Variants in MYH4 observed in about 807,000 individuals in gnomAD.
MYH4 encodes the protein myosin heavy chain 4.
In MYH4, 200 loss-of-function variants were observed where a neutral mutation model predicts 229.9. The ratio of observed to expected loss-of-function variants is 0.87; its 90% CI spans 0.78 to 0.98. The LOEUF (loss-of-function observed/expected upper bound fraction) is 0.98. Among genes scored for constraint, MYH4 ranks in the 50% least tolerant of loss-of-function variants. The pLI is 0.00. For missense variants in MYH4, 2,148 were observed against 2,332.6 expected (o/e 0.92, Z 1.63); for synonymous variants, 761 against 834.6 (o/e 0.91, Z 1.52).
rs190608365 is a variant in MYH4 at position 10,452,742 on chromosome 17, T to C, written c.3257+45A>G. ...CTTTTTAGCGTATGTTTCATTTGCATTGACATACAACAAGCAGGTTATAGC... is the reference window on the plus strand; with the variant it reads ...CTTTTTAGCGTATGTTTCATTTGCACTGACATACAACAAGCAGGTTATAGC... On this transcript the variant is annotated intron_variant, in intron 25 of 39. Transcript: ENST00000255381. 128 of 1,544,934 alleles carry C rather than the reference T, an allele frequency of 8.3e-5. No individual in the cohort carries two copies. The African/African-American group carries it at 1.6e-3, about 19-fold the overall frequency.
At chr17:10,465,723 T>A (rs2072756749) in intron 4 of MYH4, 125 bp from the exon 5 acceptor site, 4 of 1,256,222 alleles carry the variant, frequency 3.2e-6, no homozygotes, top group Non-Finnish European at 4.4e-6. Flanking sequence ...TTCATTCATT[T>A]GTTGCCTCCT....
At position 10,463,982 on chromosome 17, in the gene MYH4, A is replaced by G. The variant is rs1012783081; in HGVS notation, c.649-339T>C. ...CTGGCATCACTTGCAATTGGCTGCT[A>G]TGATTTTGAAGCACCACAGTCAGTT... On this transcript the variant is annotated intron_variant, in intron 7 of 39. Transcript: ENST00000255381. 2.6e-5 allele frequency among the ~76,000 whole-genome samples: 4 copies of G among 152,202 alleles called. No homozygotes were observed. The South Asian group carries it at 8.3e-4, about 31-fold the overall frequency.
Sources: gnomAD v4.1 joint callset for allele counts (sites outside exome capture counted in the v4.1 genomes callset) on GRCh38, gnomAD v4.1.1 for gene constraint, MANE v1.5 for transcripts, NCBI Gene and HGNC (gene_info 2026-07-23, HGNC 2026-07-21) for gene names.